Variants in ANXA6 observed in about 807,000 individuals in gnomAD.
The protein encoded by ANXA6 is annexin A6, also known as 67 kDa calelectrin.
ANXA6 carries 71 observed loss-of-function variants against 95.4 expected under a neutral mutation model. That is an observed-to-expected ratio of 0.74 (90% CI 0.61 to 0.91). The LOEUF (loss-of-function observed/expected upper bound fraction) is 0.91, where lower values mean the gene tolerates loss of function less well. ANXA6 is among the 40% of genes least tolerant of loss of function. The pLI is 0.00. For synonymous variants in ANXA6, 289 were observed against 315.9 expected (o/e 0.91, Z 0.90); for missense variants, 830 against 876.4 (o/e 0.95, Z 0.67).
At chr5:151,155,717 A>G (rs978025775) in intron 1 of ANXA6, 10 of 152,264 alleles carry the variant, frequency 6.6e-5, no homozygotes, top group African/African-American at 2.4e-4. Flanking sequence ...ATGGTAGAGC[A>G]AAAGCCATTC....
chr5:151,130,000 C>A (rs892205923), intron 11 of ANXA6, among the ~76,000 whole-genome samples: 1 of 152,184 alleles, frequency 6.6e-6, no homozygotes, highest in Non-Finnish European at 1.5e-5. Flanking sequence ...CCATGCCCGG[C>A]CCTCTCACTG....
chr5:151,123,743 T>C (rs528629074), intron 15 of ANXA6, among the ~76,000 whole-genome samples: 1 of 152,316 alleles, frequency 6.6e-6, no homozygotes, highest in African/African-American at 2.4e-5. Context: ...AAACCCTAGA[T>C]GGCCTGTCCC....
At chr5:151,156,998 A>G (rs1373944892) in intron 1 of ANXA6, among the ~76,000 whole-genome samples, 1 of 152,138 alleles carries the variant, frequency 6.6e-6, no homozygotes, top group Non-Finnish European at 1.5e-5. Context: ...GAATTATTTG[A>G]AGCCCCCAAA....
In ANXA6 at chr5:151,124,278, C is replaced by T. The variant is rs193157689; in HGVS notation, c.1138+8G>A. ...AGACCAACCCTGCTCCCTTCCCATCCCCCATACCGAGTCCCTTCATGGCTT... is the reference window on the plus strand; with the variant it reads ...AGACCAACCCTGCTCCCTTCCCATCTCCCATACCGAGTCCCTTCATGGCTT... On this transcript the variant is annotated splice_region_variant and intron_variant, in intron 15 of 25. Transcript: ENST00000354546. The T allele has an allele frequency of 1.1e-3, 1,696 of 1,613,206 alleles. 4 individuals carry two copies. Among genetic ancestry groups the T allele is most frequent in the Non-Finnish European group, 1.3e-3 (1,520 of 1,179,508 alleles).
Position 151,140,202 on chromosome 5 carries a change from A to G in ANXA6, c.60T>C (p.Phe20=). 1 of 1,613,972 alleles carries G rather than the reference A, an allele frequency of 6.2e-7. No homozygotes were observed. The highest frequency in any genetic ancestry group is 8.5e-7 in the Non-Finnish European group (1 of 1,179,884). Residue 20 remains phenylalanine, a synonymous_variant, in exon 3 of 26, where the codon TTT becomes TTC. Transcript: ENST00000354546. ...YRGSIHDFPG[F]DPNQDAEALY... ...GAGCCTCGGCATCCTGGTTGGGGTC[A>G]AAGCCTGGGAAGTCATGGATGGAGC...
intron 18 of ANXA6, among the ~76,000 whole-genome samples, chr5:151,118,468 C>T (rs1474086900): frequency 6.6e-6 from 1 of 152,016 alleles, no homozygotes; most frequent in Admixed American, 6.6e-5. Flanking sequence ...GAGTCTCATT[C>T]TGTCTCCCAG....
At chr5:151,134,108 A>C (rs1255289167) in intron 8 of ANXA6, among the ~76,000 whole-genome samples, 1 of 152,198 alleles carries the variant, frequency 6.6e-6, no homozygotes, top group African/African-American at 2.4e-5. Context: ...GATTTTGTTC[A>C]TTAGTGATTT....
At chr5:151,139,156 C>A in intron 4 of ANXA6, 197 bp downstream of exon 4, 1 of 594,426 alleles carries the variant, frequency 1.7e-6, no homozygotes, top group Non-Finnish European at 3.0e-6. Context: ...TAGCACGAGC[C>A]CAGCATACAG....
At position 151,101,359 on chromosome 5, in the gene ANXA6, A is replaced by C; in HGVS notation, c.*89T>G. On this transcript the variant is annotated 3_prime_UTR_variant, in exon 26 of 26. Transcript: ENST00000354546. Reference sequence around the variant, plus strand: ...CTCCCCCCACCCCTGCCCCTTCCTTAGTCTCTGGAGCTGGAACAATCAGGC... The same window carrying C: ...CTCCCCCCACCCCTGCCCCTTCCTTCGTCTCTGGAGCTGGAACAATCAGGC... 2.5e-6 allele frequency: 1 copy of C among 404,584 alleles called. No individual in the cohort carries two copies. Among genetic ancestry groups the C allele is most frequent in the Non-Finnish European group, 4.9e-6 (1 of 202,960 alleles). 25.1% of individuals were successfully genotyped at this position (404,584 alleles called of 1,614,324 possible).
At chr5:151,124,527 C>T (rs1044731722) in intron 14 of ANXA6, among the ~76,000 whole-genome samples, 160 bp from the exon 15 acceptor site, 4 of 150,144 alleles carry the variant, frequency 2.7e-5, no homozygotes, top group African/African-American at 9.9e-5. Context: ...ACAGACCCTG[C>T]ACGAGAGCTG....
intron 2 of ANXA6, among the ~76,000 whole-genome samples, chr5:151,142,063 C>T (rs10061349): frequency 0.1 from 15,189 of 152,248 alleles, 767 homozygotes; most frequent in African/African-American, 0.12. Context: ...AACAAGAACA[C>T]GAAACAACTG....
intron 20 of ANXA6, among the ~76,000 whole-genome samples, chr5:151,115,311 A>G (rs1459581158): frequency 6.6e-6 from 1 of 152,200 alleles, no homozygotes; most frequent in Admixed American, 6.5e-5. Flanking sequence ...TCTAGTTTCT[A>G]TAAAAGAATG....
chr5:151,126,565 CA>C, intron 13 of ANXA6, 85 bp from the exon 14 acceptor site: 5 of 803,042 alleles, frequency 6.2e-6, no homozygotes, highest in Admixed American at 2.2e-5. Flanking sequence ...CACACACACA[CA>C]CACACCCCAA....
In ANXA6 at chr5:151,117,170, T is replaced by C; in HGVS notation, c.1529A>G (p.Glu510Gly). 1 of 1,592,148 alleles carries C rather than the reference T, an allele frequency of 6.3e-7. No homozygotes were observed. The highest frequency in any genetic ancestry group is 1.1e-5 in the South Asian group (1 of 88,668). ...CTGGTCCAGGTTTTCTCCTCCCTCC[T>C]CACGATGCCCCTGCAGCAGGAGCAG... ...ILISLATGHR[E>G]EGGENLDQAR... Residue 510 changes from glutamate to glycine, a missense_variant, in exon 20 of 26, where the codon GAG becomes GGG. Physicochemically the swap from Glu to Gly is moderately conservative, Grantham distance 98. Coordinates refer to ENST00000354546, the MANE Select transcript of ANXA6 (RefSeq NM_001155.5).
intron 2 of ANXA6, 117 bp downstream of exon 2, chr5:151,147,767 T>A (rs1348782606): frequency 7.8e-6 from 9 of 1,154,508 alleles, no homozygotes; most frequent in Non-Finnish European, 1.1e-5. Flanking sequence ...TAAGAACCTT[T>A]CCTCCTTTTT....
intron 6 of ANXA6, among the ~76,000 whole-genome samples, chr5:151,136,888 C>T (rs1457513097): frequency 1.3e-5 from 2 of 152,228 alleles, no homozygotes; most frequent in Non-Finnish European, 2.9e-5. Context: ...CCTCCCAAGA[C>T]CTCACTGGTA....
At position 151,119,431 on chromosome 5, in the gene ANXA6, ACCT is replaced by A. The variant is rs755618363; in HGVS notation, c.1348-44_1348-42del. 3.2e-6 allele frequency: 5 copies of A among 1,582,794 alleles called. No homozygotes were observed. The Admixed American group carries it at 6.7e-5, about 21-fold the overall frequency. On this transcript the variant is annotated intron_variant, in intron 17 of 25. Coordinates refer to ENST00000354546, the MANE Select transcript of ANXA6 (RefSeq NM_001155.5). ...AAAGATGATCTCAGCCATAGTTCTG[ACCT>A]CCTGTGCAGAGGTCCATGGGGCCCG...
In ANXA6 at chr5:151,137,271, G is replaced by C; in HGVS notation, c.369C>G (p.Thr123=). 6.2e-7 allele frequency: 1 copy of C among 1,613,674 alleles called. No homozygotes were observed. Among genetic ancestry groups the C allele is most frequent in the Non-Finnish European group, 8.5e-7 (1 of 1,179,794 alleles). The change falls in exon 6 of 26, where the codon ACC becomes ACG. Residue 123 remains threonine (T), a synonymous_variant. Transcript: ENST00000354546. ...CCACCAGCTGGTGCATCTGCTCATT[G>C]GTCCGGGAAGCCAAGATCTCAATGA... ...KCLIEILASR[T]NEQMHQLVAA... is the part of the protein sequence containing the mutation.
intron 1 of ANXA6, chr5:151,155,190 C>T (rs1430099106): frequency 6.6e-6 from 1 of 152,164 alleles, no homozygotes; most frequent in Non-Finnish European, 1.5e-5. Flanking sequence ...CATAGCAAGG[C>T]TTCAGCCGGG....
Sources: gnomAD v4.1 joint callset for allele counts (sites outside exome capture counted in the v4.1 genomes callset) on GRCh38, gnomAD v4.1.1 for gene constraint, MANE v1.5 for transcripts, NCBI Gene and HGNC (gene_info 2026-07-23, HGNC 2026-07-21) for gene names.